The following FSTL5 variants were observed in gnomAD, a reference collection of about 807,000 sequenced individuals.
FSTL5 encodes the protein follistatin like 5, also known as follistatin-related protein 5.
FSTL5 carries 62 observed loss-of-function variants against 89.1 expected under a neutral mutation model. That is an observed-to-expected ratio of 0.70 (90% CI 0.57 to 0.86). FSTL5 has a LOEUF of 0.86. Among genes scored for constraint, FSTL5 ranks in the 40% least tolerant of loss-of-function variants. FSTL5 has a pLI of 0.00. For synonymous variants in FSTL5, 383 were observed against 346.2 expected (o/e 1.11, Z -1.18); for missense variants, 1,057 against 1,001.6 (o/e 1.06, Z -0.75).
chr4:161,693,239 T>C (rs1182149665), intron 6 of FSTL5, among the ~76,000 whole-genome samples: 1 of 152,210 alleles, frequency 6.6e-6, no homozygotes, highest in Non-Finnish European at 1.5e-5. Context: ...CGTACATTCA[T>C]AAGGAATATT....
chr4:161,517,687 T>TC (rs1475286634), intron 10 of FSTL5, among the ~76,000 whole-genome samples: 1 of 152,234 alleles, frequency 6.6e-6, no homozygotes, highest in African/African-American at 2.4e-5. Context: ...GAGCTACTTT[T>TC]CTTGGCTATT....
At chr4:161,684,401 G>A (rs978289076) in intron 6 of FSTL5, among the ~76,000 whole-genome samples, 4 of 152,094 alleles carry the variant, frequency 2.6e-5, no homozygotes, top group African/African-American at 9.7e-5. Flanking sequence ...CGGCAGTTGA[G>A]AAGTATTCCG....
intron 4 of FSTL5, among the ~76,000 whole-genome samples, chr4:161,840,800 C>G (rs1403632936): frequency 6.6e-6 from 1 of 152,092 alleles, no homozygotes; most frequent in South Asian, 2.1e-4. Flanking sequence ...TTTATTAACT[C>G]GTATGAATGA....
chr4:162,120,614 A>G (rs1304609941), intron 1 of FSTL5, among the ~76,000 whole-genome samples: 1 of 152,056 alleles, frequency 6.6e-6, no homozygotes, highest in Non-Finnish European at 1.5e-5. Context: ...TACATAATTG[A>G]AAATATTTGA....
chr4:161,962,518 TTGC>T, intron 3 of FSTL5, among the ~76,000 whole-genome samples: 1 of 152,064 alleles, frequency 6.6e-6, no homozygotes, highest in East Asian at 1.9e-4. Context: ...TTTTTTGTAG[TTGC>T]TGCTAATATA....
chr4:161,452,268 G>A (rs941289216), intron 15 of FSTL5, among the ~76,000 whole-genome samples: 5 of 152,142 alleles, frequency 3.3e-5, no homozygotes, highest in East Asian at 1.9e-4. Context: ...CTGAGGTCAG[G>A]AGTTCAAGAC....
chr4:161,581,643 G>A (rs1408959734), intron 8 of FSTL5, among the ~76,000 whole-genome samples: 2 of 152,210 alleles, frequency 1.3e-5, no homozygotes, highest in Non-Finnish European at 2.9e-5. Flanking sequence ...TGGCTTTTGT[G>A]TCTTTCGTAC....
intron 6 of FSTL5, among the ~76,000 whole-genome samples, chr4:161,740,711 AGT>A: frequency 1.0e-5 from 1 of 97,528 alleles, no homozygotes; most frequent in South Asian, 3.1e-4. Flanking sequence ...TTTGGAATTC[AGT>A]GATTGATTGT....
chr4:161,970,633 CAG>C lies in FSTL5; in HGVS notation c.161-49983_161-49982del, dbSNP rs563881630. On this transcript the variant is annotated intron_variant, in intron 3 of 15. Transcript: ENST00000306100. ...GAGAAGGCATCTGTGCAGTGGAAAA[CAG>C]AGATTTTCCATTCTGCACAAAAACT... Among the ~76,000 whole-genome samples, 8 of 152,088 alleles carry C rather than the reference CAG, an allele frequency of 5.3e-5. No homozygotes were observed. In the South Asian group the frequency reaches 1.7e-3, roughly 32 times the overall value.
intron 7 of FSTL5, among the ~76,000 whole-genome samples, chr4:161,652,606 A>C (rs1469736928): frequency 6.6e-6 from 1 of 152,210 alleles, no homozygotes; most frequent in African/African-American, 2.4e-5. Flanking sequence ...AAAAGAGTAC[A>C]TGTATACACA....
intron 5 of FSTL5, among the ~76,000 whole-genome samples, chr4:161,759,884 C>G (rs1282487617): frequency 2.0e-5 from 3 of 151,934 alleles, no homozygotes; most frequent in Non-Finnish European, 4.4e-5. Context: ...TGAAAATTGC[C>G]TCCTGTGTCT....
chr4:161,893,780 TAAAAATC>T (rs1733064247), intron 4 of FSTL5, among the ~76,000 whole-genome samples: 1 of 152,186 alleles, frequency 6.6e-6, no homozygotes, highest in Admixed American at 6.5e-5. Context: ...AGTAATCCCT[TAAAAATC>T]ACCCTTAAGA....
At chr4:161,686,272 T>C (rs1461323468) in intron 6 of FSTL5, among the ~76,000 whole-genome samples, 2 of 138,134 alleles carry the variant, frequency 1.4e-5, no homozygotes, top group African/African-American at 5.4e-5. Context: ...CTTCACAGAA[T>C]GATTTAGGAG....
intron 6 of FSTL5, 87 bp from the exon 7 acceptor site, chr4:161,656,581 G>C: frequency 2.7e-6 from 2 of 738,690 alleles, no homozygotes; most frequent in South Asian, 5.0e-5. Flanking sequence ...AGTAATTAAG[G>C]CTTTTAATTT....
intron 3 of FSTL5, among the ~76,000 whole-genome samples, chr4:161,938,369 T>A (rs1023827397): frequency 6.6e-6 from 1 of 152,120 alleles, no homozygotes; most frequent in East Asian, 1.9e-4. Context: ...AAATGTATTA[T>A]CAAATTTCAC....
At chr4:161,855,337 A>G (rs2126884834) in intron 4 of FSTL5, among the ~76,000 whole-genome samples, 1 of 152,238 alleles carries the variant, frequency 6.6e-6, no homozygotes, top group East Asian at 1.9e-4. Context: ...AGAAAATTAC[A>G]TATTCAGGTC....
chr4:161,923,275 C>T (rs1734040828), intron 3 of FSTL5, among the ~76,000 whole-genome samples: 2 of 145,960 alleles, frequency 1.4e-5, no homozygotes, highest in African/African-American at 5.1e-5. Context: ...CAAATAAACT[C>T]TGTTAAATTT....
intron 4 of FSTL5, among the ~76,000 whole-genome samples, chr4:161,795,570 T>C (rs1468810403): frequency 1.3e-5 from 2 of 152,086 alleles, no homozygotes; most frequent in African/African-American, 2.4e-5. Context: ...CAGAGTGAAA[T>C]TGGTACTATA....
At chr4:161,902,491 T>C (rs562724474) in intron 4 of FSTL5, among the ~76,000 whole-genome samples, 21 of 152,328 alleles carry the variant, frequency 1.4e-4, no homozygotes, top group African/African-American at 5.1e-4. Context: ...TACAAATTCT[T>C]CATTGAATGT....
Sources: gnomAD v4.1 joint callset for allele counts (sites outside exome capture counted in the v4.1 genomes callset) on GRCh38, gnomAD v4.1.1 for gene constraint, MANE v1.5 for transcripts, NCBI Gene and HGNC (gene_info 2026-07-23, HGNC 2026-07-21) for gene names.